Variants in ATP2C2 observed in about 807,000 individuals in gnomAD.
ATP2C2 encodes the protein calcium-transporting ATPase type 2C member 2.
A neutral mutation model predicts 110.8 loss-of-function variants in ATP2C2; 171 were observed. That is an observed-to-expected ratio of 1.54 (90% CI 1.36 to 1.75). The LOEUF (loss-of-function observed/expected upper bound fraction) is 1.75. Among genes scored for constraint, ATP2C2 ranks in the 40% most tolerant of loss-of-function variants. The pLI, the probability that ATP2C2 is intolerant of heterozygous loss-of-function variation, is 0.00. For synonymous variants in ATP2C2, 804 were observed against 508.4 expected (o/e 1.58, Z -7.82); for missense variants, 1,963 against 1,235.0 (o/e 1.59, Z -8.84).
chr16:84,388,854 C>T (rs1904478141), intron 1 of ATP2C2, among the ~76,000 whole-genome samples: 2 of 152,182 alleles, frequency 1.3e-5, no homozygotes, highest in Admixed American at 1.3e-4. Flanking sequence ...TCACTGCTAC[C>T]TCCGCCTCCT....
intron 2 of ATP2C2, 71 bp downstream of exon 2, chr16:84,398,680 C>A: frequency 4.1e-6 from 5 of 1,205,524 alleles, no homozygotes; most frequent in Non-Finnish European, 5.8e-6. Flanking sequence ...AACACAAAGC[C>A]CTGAACAGTG....
chr16:84,452,615 C>T (rs1454119626), intron 18 of ATP2C2, among the ~76,000 whole-genome samples: 1 of 151,214 alleles, frequency 6.6e-6, no homozygotes, highest in Admixed American at 6.6e-5. Flanking sequence ...TCTCCTGCCT[C>T]AGCCTCCTGA....
intron 3 of ATP2C2, among the ~76,000 whole-genome samples, chr16:84,406,295 C>T (rs1905761470): frequency 2.0e-5 from 3 of 152,226 alleles, no homozygotes; most frequent in Non-Finnish European, 4.4e-5. Context: ...GTCCCTGCCA[C>T]CTTTGCAGGA....
chr16:84,463,536 C>A, intron 26 of ATP2C2, 78 bp from the exon 27 acceptor site: 1 of 1,214,570 alleles, frequency 8.2e-7, no homozygotes, highest in African/African-American at 1.5e-5. Context: ...ATCAGGAGGA[C>A]TGGCAGGGAA....
chr16:84,423,905 C>T (rs148742745), intron 10 of ATP2C2, among the ~76,000 whole-genome samples: 10 of 152,342 alleles, frequency 6.6e-5, no homozygotes, highest in South Asian at 2.1e-4. Context: ...CATGATGCTG[C>T]GGTTCTGAAT....
At chr16:84,400,077 T>A (rs1207262659) in intron 2 of ATP2C2, among the ~76,000 whole-genome samples, 9 of 152,164 alleles carry the variant, frequency 5.9e-5, no homozygotes, top group Admixed American at 5.9e-4. Context: ...TCCATCCATG[T>A]TGTTGCAAAT....
At chr16:84,437,771 C>T (rs1006419661) in intron 11 of ATP2C2, among the ~76,000 whole-genome samples, 1 of 152,238 alleles carries the variant, frequency 6.6e-6, no homozygotes, top group Admixed American at 6.5e-5. Context: ...CCACCTGGGC[C>T]TCCCAAAGTG....
At chr16:84,461,252 A>G (rs1207022348) in intron 24 of ATP2C2, 3 of 262,882 alleles carry the variant, frequency 1.1e-5, no homozygotes, top group East Asian at 9.8e-5. Flanking sequence ...TAGGTGGGAA[A>G]TGAGGCAGGT....
intron 19 of ATP2C2, 33 bp from the exon 20 acceptor site, chr16:84,453,288 C>CTGAT (rs1567740565): frequency 6.2e-7 from 1 of 1,614,148 alleles, no homozygotes; most frequent in Admixed American, 1.7e-5. Flanking sequence ...GCTTTGAAAT[C>CTGAT]TGATTCTTCG....
intron 10 of ATP2C2, among the ~76,000 whole-genome samples, chr16:84,425,061 C>T (rs1907687545): frequency 6.6e-6 from 1 of 152,280 alleles, no homozygotes; most frequent in African/African-American, 2.4e-5. Context: ...CTAACAGATA[C>T]TGTGGCAGCT....
At chr16:84,409,671 T>G (rs754367778) in intron 4 of ATP2C2, among the ~76,000 whole-genome samples, 17 of 152,086 alleles carry the variant, frequency 1.1e-4, no homozygotes, top group Non-Finnish European at 1.9e-4. Context: ...TTTTGCTAAT[T>G]TTTATATTTT....
intron 2 of ATP2C2, 96 bp downstream of exon 2, chr16:84,398,705 G>A (rs1905138908): frequency 1.1e-6 from 1 of 947,358 alleles, no homozygotes; most frequent in African/African-American, 1.7e-5. Context: ...GAAATTCTGT[G>A]TTATTATCAA....
chr16:84,385,781 C>T (rs974760098), intron 1 of ATP2C2, among the ~76,000 whole-genome samples: 1 of 152,172 alleles, frequency 6.6e-6, no homozygotes, highest in Admixed American at 6.5e-5. Context: ...CTTGTGAGAA[C>T]TCACTCACTA....
At chr16:84,414,786 A>G (rs1468915510) in intron 6 of ATP2C2, among the ~76,000 whole-genome samples, 6 of 152,282 alleles carry the variant, frequency 3.9e-5, no homozygotes, top group Non-Finnish European at 7.4e-5. Context: ...TGGGAGCTGC[A>G]GGAGGCTGGC....
intron 10 of ATP2C2, among the ~76,000 whole-genome samples, chr16:84,424,828 GA>G (rs1190013370): frequency 6.6e-6 from 1 of 152,138 alleles, no homozygotes; most frequent in Non-Finnish European, 1.5e-5. Context: ...GTACCTAGTT[GA>G]TTCTTGTGAG....
At position 84,400,115 on chromosome 16, in the gene ATP2C2, G is replaced by T. The variant is rs561124388; in HGVS notation, c.210+1506G>T. ...CAGGATCTCATTCTTTTTTATGGGT[G>T]CATAGTACTCCATTGTGTATATGTA... On this transcript the variant is annotated intron_variant, in intron 2 of 26. Coordinates refer to ENST00000262429, the MANE Select transcript of ATP2C2 (RefSeq NM_014861.4). Among the ~76,000 whole-genome samples, 106 of 152,172 alleles carry T rather than the reference G, an allele frequency of 7.0e-4. 1 individual carries two copies. The highest frequency in any genetic ancestry group is 2.2e-3 in the Admixed American group (33 of 15,284).
intron 1 of ATP2C2, among the ~76,000 whole-genome samples, chr16:84,375,644 C>T (rs1195188330): frequency 6.6e-6 from 1 of 152,126 alleles, no homozygotes; most frequent in East Asian, 1.9e-4. Context: ...ATTCTTTTGC[C>T]ATCTTTGCCC....
intron 4 of ATP2C2, among the ~76,000 whole-genome samples, chr16:84,409,698 T>G (rs1399920469): frequency 1.3e-5 from 2 of 152,106 alleles, no homozygotes; most frequent in African/African-American, 4.8e-5. Context: ...AGATGAGGTT[T>G]CCCTGTGTTG....
rs540831226 is a variant in ATP2C2, at chr16:84,452,206, C to A, written c.1831+115C>A. 5.9e-4 allele frequency: 753 copies of A among 1,287,054 alleles called. 5 individuals carry two copies. In the African/African-American group the frequency reaches 0.01, roughly 17 times the overall value. The allele number at this position is 1,287,054 out of a possible 1,614,324, so 79.7% of individuals were successfully genotyped here. On this transcript the variant is annotated intron_variant, in intron 18 of 26. Coordinates refer to ENST00000262429, the MANE Select transcript of ATP2C2 (RefSeq NM_014861.4). ...TCGGTCAGGAGTGCTCACGCCTAGC[C>A]CTACAGGCTTAGAAAAGACGCTGAG...
Sources: gnomAD v4.1 joint callset for allele counts (sites outside exome capture counted in the v4.1 genomes callset) on GRCh38, gnomAD v4.1.1 for gene constraint, MANE v1.5 for transcripts, NCBI Gene and HGNC (gene_info 2026-07-23, HGNC 2026-07-21) for gene names.